Variants in TNFSF4 observed in about 807,000 individuals in gnomAD.
TNFSF4 encodes the protein tumor necrosis factor ligand superfamily member 4.
A neutral mutation model predicts 7.3 loss-of-function variants in TNFSF4; 4 were observed. The ratio of observed to expected loss-of-function variants is 0.55; its 90% CI spans 0.27 to 1.25. The LOEUF (loss-of-function observed/expected upper bound fraction) is 1.25, where lower values mean the gene tolerates loss of function less well. Ranked by LOEUF, TNFSF4 falls within the 50% of genes most tolerant of loss-of-function variation. The pLI is 0.12. For synonymous variants in TNFSF4, 76 were observed against 83.7 expected, an observed-to-expected ratio of 0.91 and a Z score of 0.50; for missense variants, 181 against 208.8, an observed-to-expected ratio of 0.87 and a Z score of 0.82.
chr1:173,300,039 G>T, the TNFSF4 span, among the ~76,000 whole-genome samples: 1 of 151,524 alleles, frequency 6.6e-6, no homozygotes, highest in Non-Finnish European at 1.5e-5. Context: ...CAATAAATCA[G>T]GCTATATTGG....
the TNFSF4 span, among the ~76,000 whole-genome samples, chr1:173,388,388 G>T: frequency 6.6e-6 from 1 of 152,216 alleles, no homozygotes; most frequent in Non-Finnish European, 1.5e-5. Flanking sequence ...CATGCACAAG[G>T]TATAGAATTC....
the TNFSF4 span, among the ~76,000 whole-genome samples, chr1:173,227,175 C>T: frequency 6.6e-6 from 1 of 150,630 alleles, no homozygotes; most frequent in Non-Finnish European, 1.5e-5. Flanking sequence ...TTACCCTTCT[C>T]TCAAACACTA....
chr1:173,234,488 A>G, the TNFSF4 span, among the ~76,000 whole-genome samples: 6 of 152,274 alleles, frequency 3.9e-5, no homozygotes, highest in East Asian at 1.2e-3. Flanking sequence ...ATAAGGACAC[A>G]TGCACATGTA....
At chr1:173,440,397 G>C in the TNFSF4 span, 1 of 152,090 alleles carries the variant, frequency 6.6e-6, no homozygotes, top group South Asian at 2.1e-4. Flanking sequence ...TTTTCCCAAT[G>C]GGGTGGGGGA....
chr1:173,421,894 G>A, the TNFSF4 span, among the ~76,000 whole-genome samples: 5 of 152,126 alleles, frequency 3.3e-5, no homozygotes, highest in Admixed American at 3.3e-4. Context: ...TGCACTATGA[G>A]GATATCAAAA....
the TNFSF4 span, chr1:173,362,888 T>C: frequency 1.3e-5 from 6 of 478,414 alleles, no homozygotes; most frequent in Non-Finnish European, 2.1e-5. Flanking sequence ...CAGCTACAAA[T>C]GGCACATCAC....
At chr1:173,182,176 T>C (rs927173010), downstream of TNFSF4, among the ~76,000 whole-genome samples, 3 of 152,236 alleles carry the variant, frequency 2.0e-5, no homozygotes, top group African/African-American at 7.2e-5. Flanking sequence ...TCTTATGTTC[T>C]TACAACATTT....
At chr1:173,333,794 G>A in the TNFSF4 span, among the ~76,000 whole-genome samples, 6 of 152,092 alleles carry the variant, frequency 3.9e-5, no homozygotes, top group African/African-American at 7.2e-5. Flanking sequence ...GACAGCATGC[G>A]CTGACTAAGA....
the TNFSF4 span, among the ~76,000 whole-genome samples, chr1:173,319,240 C>T: frequency 2.6e-5 from 4 of 152,186 alleles, no homozygotes; most frequent in African/African-American, 9.6e-5. Context: ...TGGACTGGGC[C>T]GAATTCACCA....
the TNFSF4 span, among the ~76,000 whole-genome samples, chr1:173,242,639 G>A: frequency 6.6e-5 from 10 of 152,210 alleles, no homozygotes; most frequent in African/African-American, 1.4e-4. Flanking sequence ...ATCAAATCAC[G>A]TGAGTCCCTA....
chr1:173,394,931 T>TAGACAGAC, the TNFSF4 span, among the ~76,000 whole-genome samples: 1 of 149,928 alleles, frequency 6.7e-6, no homozygotes, highest in Non-Finnish European at 1.5e-5. Flanking sequence ...GATAGATAGA[T>TAGACAGAC]AGATAGATAG....
the TNFSF4 span, among the ~76,000 whole-genome samples, chr1:173,178,279 A>C: frequency 0.012 from 1,852 of 152,324 alleles, 13 homozygotes; most frequent in South Asian, 0.035. Context: ...CTGAATTCTT[A>C]AAAGTTGAAT....
the TNFSF4 span, among the ~76,000 whole-genome samples, chr1:173,291,028 G>A: frequency 6.6e-6 from 1 of 152,122 alleles, no homozygotes; most frequent in African/African-American, 2.4e-5. Context: ...TTCATGCATT[G>A]CTATAAAGAA....
the TNFSF4 span, among the ~76,000 whole-genome samples, chr1:173,313,494 T>C: frequency 6.6e-6 from 1 of 152,104 alleles, no homozygotes; most frequent in Admixed American, 6.6e-5. Flanking sequence ...ATATATTTAA[T>C]TATAATAGTA....
At chr1:173,392,820 C>T in the TNFSF4 span, among the ~76,000 whole-genome samples, 1 of 152,066 alleles carries the variant, frequency 6.6e-6, no homozygotes, top group African/African-American at 2.4e-5. Flanking sequence ...TACAGCTATA[C>T]CATCTACAAT....
the TNFSF4 span, among the ~76,000 whole-genome samples, chr1:173,343,994 GA>G: frequency 6.6e-6 from 1 of 152,190 alleles, no homozygotes; most frequent in Non-Finnish European, 1.5e-5. Context: ...TGGACAAGGA[GA>G]AAAAGAACTT....
the TNFSF4 span, among the ~76,000 whole-genome samples, chr1:173,298,834 G>A: frequency 1.3e-5 from 2 of 151,986 alleles, no homozygotes; most frequent in South Asian, 2.1e-4. Context: ...TAAGGACCCA[G>A]GTCTTTTAAC....
chr1:173,409,265 CACA>C, the TNFSF4 span, among the ~76,000 whole-genome samples: 1 of 152,162 alleles, frequency 6.6e-6, no homozygotes, highest in South Asian at 2.1e-4. Context: ...GTCAAAGAGG[CACA>C]ACAACCAAAT....
the TNFSF4 span, among the ~76,000 whole-genome samples, chr1:173,320,553 T>C: frequency 1.3e-5 from 2 of 152,164 alleles, no homozygotes; most frequent in East Asian, 1.9e-4. Flanking sequence ...TGTTTGCAGA[T>C]GACATGATGG....
Sources: allele counts gnomAD v4.1 joint callset (sites outside exome capture counted in the v4.1 genomes callset), GRCh38; gene constraint gnomAD v4.1.1; transcripts MANE v1.5; gene names NCBI Gene and HGNC (gene_info 2026-07-23, HGNC 2026-07-21).